The following FAM151B variants were observed in gnomAD, a reference collection of about 807,000 sequenced individuals.
The protein encoded by FAM151B is protein FAM151B.
In FAM151B, 24 loss-of-function variants were observed where a neutral mutation model predicts 31.2. The observed-to-expected ratio is 0.77, with a 90% CI of 0.56 to 1.08. The LOEUF (loss-of-function observed/expected upper bound fraction) is 1.08. Among genes scored for constraint, FAM151B ranks in the 50% least tolerant of loss-of-function variants. The pLI is 0.00. For synonymous variants in FAM151B, 105 were observed against 111.4 expected, an observed-to-expected ratio of 0.94 and a Z score of 0.36; for missense variants, 293 against 328.6, an observed-to-expected ratio of 0.89 and a Z score of 0.84.
chr5:80,509,724 C>T (rs945986911), intron 2 of FAM151B, among the ~76,000 whole-genome samples: 6 of 152,154 alleles, frequency 3.9e-5, no homozygotes, highest in Admixed American at 6.5e-5. Context: ...AAATCTGAAA[C>T]GTTAATTATT....
At chr5:80,532,162 C>T (rs369375956) in intron 5 of FAM151B, among the ~76,000 whole-genome samples, 3 of 136,874 alleles carry the variant, frequency 2.2e-5, no homozygotes, top group South Asian at 4.5e-4. Context: ...AGGTGGGAAT[C>T]GAACAATGAG....
intron 1 of FAM151B, among the ~76,000 whole-genome samples, chr5:80,497,850 A>G: frequency 6.6e-6 from 1 of 152,030 alleles, no homozygotes; most frequent in Non-Finnish European, 1.5e-5. Context: ...GTAAATGACG[A>G]GTTAATGGGT....
At chr5:80,531,170 A>G (rs1398382116) in intron 5 of FAM151B, among the ~76,000 whole-genome samples, 1 of 152,216 alleles carries the variant, frequency 6.6e-6, no homozygotes, top group East Asian at 1.9e-4. Context: ...GTGCTGGGAA[A>G]ACTGGCTAGC....
At position 80,542,006 on chromosome 5, in the gene FAM151B, C is replaced by T. The variant is rs892539564; in HGVS notation, c.*174C>T. On this transcript the variant is annotated 3_prime_UTR_variant, in exon 6 of 6. Coordinates refer to ENST00000282226, the MANE Select transcript of FAM151B (RefSeq NM_205548.3). ...ATATGTCCTTATAATAGTGCACTTACATAAAAGATTTGGAAAGAAGAGATT... is the reference window on the plus strand; with the variant it reads ...ATATGTCCTTATAATAGTGCACTTATATAAAAGATTTGGAAAGAAGAGATT... The T allele has an allele frequency of 1.1e-5, 7 of 622,258 alleles. No individual in the cohort carries two copies. Among genetic ancestry groups the T allele is most frequent in the Non-Finnish European group, 1.9e-5 (7 of 377,484 alleles). 38.5% of individuals were successfully genotyped at this position (622,258 alleles called of 1,614,324 possible). A position where few individuals can be genotyped will look rare whatever the true frequency, so the allele number is the denominator to read the frequency against.
At chr5:80,521,618 A>G (rs1264501938) in intron 4 of FAM151B, among the ~76,000 whole-genome samples, 2 of 152,224 alleles carry the variant, frequency 1.3e-5, no homozygotes, top group Non-Finnish European at 2.9e-5. Context: ...AAAATTTAAC[A>G]AAAATAGGAA....
chr5:80,542,419 T>G lies in FAM151B; in HGVS notation c.*587T>G, dbSNP rs978050223. Reference sequence around the variant, plus strand: ...GGCTAAGTGTTTTTTTTATATTTCTTATTTCTATAGTATCTGATTTATAGT... The same window carrying G: ...GGCTAAGTGTTTTTTTTATATTTCTGATTTCTATAGTATCTGATTTATAGT... On this transcript the variant is annotated 3_prime_UTR_variant, in exon 6 of 6. Transcript: ENST00000282226. The G allele has an allele frequency of 6.6e-6, 1 of 152,142 alleles. No homozygotes were observed. Among genetic ancestry groups the G allele is most frequent in the Admixed American group, 6.6e-5 (1 of 15,252 alleles). The allele number at this position is 152,142 out of a possible 1,614,324, so 9.4% of individuals were successfully genotyped here. A position where few individuals can be genotyped will look rare whatever the true frequency, so the allele number is the denominator to read the frequency against.
intron 1 of FAM151B, among the ~76,000 whole-genome samples, chr5:80,491,251 T>C (rs1743321134): frequency 1.3e-5 from 2 of 151,974 alleles, no homozygotes; most frequent in African/African-American, 4.8e-5. Flanking sequence ...GGTCTCGCTC[T>C]GTCACCCAGG....
intron 5 of FAM151B, among the ~76,000 whole-genome samples, chr5:80,527,987 TTATATCCTATTCTA>T (rs1208698528): frequency 4.6e-5 from 7 of 152,332 alleles, no homozygotes; most frequent in African/African-American, 1.7e-4. Flanking sequence ...TTTCCTTTCT[TTATATCCTATTCTA>T]TAAGCTTTTT....
At chr5:80,488,478 G>T (rs952261620) in intron 1 of FAM151B, among the ~76,000 whole-genome samples, 6 of 152,258 alleles carry the variant, frequency 3.9e-5, no homozygotes, top group Non-Finnish European at 8.8e-5. Flanking sequence ...CCGTATGGGG[G>T]CGGTCTGGGT....
At chr5:80,522,749 G>A (rs978251409) in intron 5 of FAM151B, among the ~76,000 whole-genome samples, 2 of 152,066 alleles carry the variant, frequency 1.3e-5, no homozygotes, top group African/African-American at 2.4e-5. Flanking sequence ...GTGACAGAGC[G>A]AGGCCCTGTC....
At chr5:80,494,476 C>CTTTA in intron 1 of FAM151B, among the ~76,000 whole-genome samples, 1 of 126,648 alleles carries the variant, frequency 7.9e-6, no homozygotes, top group African/African-American at 3.0e-5. Context: ...TTCTTTCTTT[C>CTTTA]TTTCTTTCTT....
chr5:80,495,450 G>T (rs1038104668), intron 1 of FAM151B, among the ~76,000 whole-genome samples: 1 of 152,132 alleles, frequency 6.6e-6, no homozygotes, highest in African/African-American at 2.4e-5. Flanking sequence ...ATTAACAGGA[G>T]TTTGGAAGAA....
chr5:80,535,236 A>G (rs1732231129), intron 5 of FAM151B, among the ~76,000 whole-genome samples: 1 of 152,234 alleles, frequency 6.6e-6, no homozygotes, highest in South Asian at 2.1e-4. Flanking sequence ...TCTTCACAGA[A>G]ATATTTTAAA....
At chr5:80,491,136 T>C (rs545984808) in intron 1 of FAM151B, among the ~76,000 whole-genome samples, 32 of 152,276 alleles carry the variant, frequency 2.1e-4, no homozygotes, top group South Asian at 4.1e-4. Flanking sequence ...CTCACATACT[T>C]ATCATTTCTT....
rs1450785336 is a variant in FAM151B, at chr5:80,538,483, T to TTCC, written c.672-3189_672-3188insCCT. 5.3e-3 allele frequency among the ~76,000 whole-genome samples: 535 copies of TTCC among 100,970 alleles called. 23 individuals carry two copies. The highest frequency in any genetic ancestry group is 0.011 in the Middle Eastern group (2 of 180). The allele number at this position is 100,970 out of a possible 152,430, so 66.2% of individuals were successfully genotyped here. ...CTTTCTTTCTTTCTTTCTTTCTTTC[T>TTCC]TTCCTTCCTTCCTTCCTTTCTTTTC... On this transcript the variant is annotated intron_variant, in intron 5 of 5. Transcript: ENST00000282226.
intron 5 of FAM151B, among the ~76,000 whole-genome samples, chr5:80,528,373 A>G (rs114432343): frequency 0.011 from 1,714 of 152,246 alleles, 25 homozygotes; most frequent in African/African-American, 0.039. Context: ...TATCAATAAT[A>G]ACATTGAATG....
chr5:80,522,784 T>G (rs991055836), intron 5 of FAM151B, among the ~76,000 whole-genome samples: 1 of 152,128 alleles, frequency 6.6e-6, no homozygotes, highest in African/African-American at 2.4e-5. Flanking sequence ...TTCAGAAATC[T>G]TTTTTATATA....
chr5:80,523,635 T>C (rs992988879), intron 5 of FAM151B, among the ~76,000 whole-genome samples: 1 of 152,204 alleles, frequency 6.6e-6, no homozygotes, highest in African/African-American at 2.4e-5. Flanking sequence ...GAATATTATA[T>C]GTTATAGATA....
chr5:80,490,731 G>A (rs1241849186), intron 1 of FAM151B, among the ~76,000 whole-genome samples: 1 of 152,162 alleles, frequency 6.6e-6, no homozygotes, highest in Non-Finnish European at 1.5e-5. Flanking sequence ...CCATCTTGTA[G>A]CATGTTTCAA....
Sources: allele counts gnomAD v4.1 joint callset (sites outside exome capture counted in the v4.1 genomes callset), GRCh38; gene constraint gnomAD v4.1.1; transcripts MANE v1.5; gene names NCBI Gene and HGNC (gene_info 2026-07-23, HGNC 2026-07-21).